MAP3K5: variants seen among roughly 807,000 people sequenced by gnomAD.
MAP3K5 encodes the protein mitogen-activated protein kinase kinase kinase 5.
A neutral mutation model predicts 158.7 loss-of-function variants in MAP3K5; 56 were observed. The ratio of observed to expected loss-of-function variants is 0.35; its 90% CI spans 0.28 to 0.44. MAP3K5 has a LOEUF of 0.44. MAP3K5 is among the 20% of genes least tolerant of loss of function. The pLI is 1.00. For missense variants in MAP3K5, 1,294 were observed against 1,674.8 expected, an observed-to-expected ratio of 0.77 and a Z score of 3.97; for synonymous variants, 579 against 601.7, an observed-to-expected ratio of 0.96 and a Z score of 0.55.
chr6:136,775,937 T>G (rs1784387703), intron 1 of MAP3K5, among the ~76,000 whole-genome samples: 1 of 152,216 alleles, frequency 6.6e-6, no homozygotes, highest in African/African-American at 2.4e-5. Context: ...GATAAGAAGA[T>G]CCAATCCTGA....
In MAP3K5 at chr6:136,562,596, G is replaced by A. The variant is rs267600832; in HGVS notation, c.3781C>T (p.Arg1261Trp). 4.4e-6 allele frequency: 7 copies of A among 1,597,426 alleles called. No homozygotes were observed. The highest frequency in any genetic ancestry group is 1.7e-5 in the Admixed American group (1 of 58,286). Residue 1261 changes from arginine (R) to tryptophan (W), a missense_variant, in exon 27 of 30, where the codon CGG becomes TGG. Coordinates refer to ENST00000359015, the MANE Select transcript of MAP3K5 (RefSeq NM_005923.4). ...AGTGCTTGTAATTCTTTCTCTTTCC[G>A]AACCAATTCTTCCAGTAATCTGCAG... ...ETNRLLEELV[R>W]KEKELQALLH...
intron 11 of MAP3K5, among the ~76,000 whole-genome samples, chr6:136,650,398 T>C (rs948323755): frequency 6.6e-6 from 1 of 152,196 alleles, no homozygotes; most frequent in Admixed American, 6.5e-5. Context: ...AACTGATGAA[T>C]ATAGAAGTGG....
At chr6:136,753,333 T>C (rs1376824659) in intron 1 of MAP3K5, among the ~76,000 whole-genome samples, 1 of 152,206 alleles carries the variant, frequency 6.6e-6, no homozygotes, top group East Asian at 1.9e-4. Flanking sequence ...CACAAAAGTA[T>C]ACGAACCTAG....
chr6:136,778,535 C>T (rs1784484539), intron 1 of MAP3K5, among the ~76,000 whole-genome samples: 1 of 152,178 alleles, frequency 6.6e-6, no homozygotes, highest in African/African-American at 2.4e-5. Context: ...GCAGAAATCA[C>T]ACCTTTTTAA....
At chr6:136,604,933 T>A (rs915170160) in intron 19 of MAP3K5, among the ~76,000 whole-genome samples, 9 of 152,208 alleles carry the variant, frequency 5.9e-5, no homozygotes, top group African/African-American at 1.9e-4. Flanking sequence ...ATCTTCAGTA[T>A]AGTCATGTGT....
intron 14 of MAP3K5, among the ~76,000 whole-genome samples, chr6:136,635,965 T>G (rs1267829314): frequency 6.6e-6 from 1 of 152,194 alleles, no homozygotes; most frequent in East Asian, 1.9e-4. Flanking sequence ...ATAAAAATTT[T>G]AGTTTATGAG....
chr6:136,713,344 G>A (rs1182325169), intron 2 of MAP3K5, among the ~76,000 whole-genome samples: 2 of 152,160 alleles, frequency 1.3e-5, no homozygotes, highest in African/African-American at 2.4e-5. Context: ...TCAAAACAGT[G>A]GGCAAGGAGT....
intron 1 of MAP3K5, among the ~76,000 whole-genome samples, chr6:136,771,435 C>T (rs1215721101): frequency 6.6e-6 from 1 of 152,112 alleles, no homozygotes; most frequent in Non-Finnish European, 1.5e-5. Context: ...GACATGCCCA[C>T]CAGTGTGCCA....
intron 24 of MAP3K5, among the ~76,000 whole-genome samples, 182 bp from the exon 25 acceptor site, chr6:136,580,588 G>C (rs1774826569): frequency 6.6e-6 from 1 of 152,182 alleles, no homozygotes; most frequent in Non-Finnish European, 1.5e-5. Flanking sequence ...TCAAAGTTTA[G>C]TGAGCCCCAT....
intron 23 of MAP3K5, among the ~76,000 whole-genome samples, chr6:136,585,006 C>A (rs546764602): frequency 4.2e-4 from 64 of 152,224 alleles, no homozygotes; most frequent in African/African-American, 1.4e-3. Flanking sequence ...ATCAATGAAG[C>A]AATTGCTTCT....
chr6:136,735,790 T>C (rs1235875320), intron 1 of MAP3K5, among the ~76,000 whole-genome samples: 2 of 152,096 alleles, frequency 1.3e-5, no homozygotes, highest in African/African-American at 2.4e-5. Context: ...GATCGTGCCA[T>C]TGTACTCCAA....
chr6:136,583,277 A>T (rs1774970026), intron 24 of MAP3K5, among the ~76,000 whole-genome samples: 1 of 152,210 alleles, frequency 6.6e-6, no homozygotes. Context: ...CAATGACCCA[A>T]CATAATTTCA....
chr6:136,710,168 G>A (rs1331245011), intron 2 of MAP3K5, among the ~76,000 whole-genome samples: 1 of 152,132 alleles, frequency 6.6e-6, no homozygotes, highest in Non-Finnish European at 1.5e-5. Flanking sequence ...CTAGAGCAGA[G>A]AATGCTTAAT....
intron 5 of MAP3K5, among the ~76,000 whole-genome samples, chr6:136,696,705 T>C (rs552274782): frequency 1.3e-5 from 2 of 152,360 alleles, no homozygotes; most frequent in Admixed American, 6.5e-5. Flanking sequence ...GACATGTCAA[T>C]AAAAATGATA....
intron 8 of MAP3K5, among the ~76,000 whole-genome samples, chr6:136,665,135 T>C (rs1779172207): frequency 6.6e-6 from 1 of 152,212 alleles, no homozygotes; most frequent in Non-Finnish European, 1.5e-5. Flanking sequence ...TGGTATCATG[T>C]AAAAGGGGTA....
chr6:136,692,364 T>A (rs1435320165), intron 7 of MAP3K5, among the ~76,000 whole-genome samples: 2 of 152,216 alleles, frequency 1.3e-5, no homozygotes, highest in Non-Finnish European at 1.5e-5. Flanking sequence ...TCCCACTCAA[T>A]GTCCAGGTCC....
intron 14 of MAP3K5, chr6:136,636,851 G>T: frequency 1.0e-6 from 1 of 987,126 alleles, no homozygotes; most frequent in Non-Finnish European, 1.2e-6. Flanking sequence ...TTAATAAAAG[G>T]ATTCCAGTTG....
chr6:136,713,052 A>T (rs1359370347), intron 2 of MAP3K5, among the ~76,000 whole-genome samples: 2 of 152,214 alleles, frequency 1.3e-5, no homozygotes, highest in African/African-American at 2.4e-5. Context: ...AGTTTCAAAG[A>T]TATATTCTAA....
At chr6:136,667,620 T>C (rs1779284352) in intron 8 of MAP3K5, among the ~76,000 whole-genome samples, 1 of 151,908 alleles carries the variant, frequency 6.6e-6, no homozygotes, top group Non-Finnish European at 1.5e-5. Flanking sequence ...CAGAGGTTTT[T>C]GAAAAAAGCA....
Sources: allele counts gnomAD v4.1 joint callset (sites outside exome capture counted in the v4.1 genomes callset), GRCh38; gene constraint gnomAD v4.1.1; transcripts MANE v1.5; gene names NCBI Gene and HGNC (gene_info 2026-07-23, HGNC 2026-07-21).